The following KLHDC1 variants were observed in gnomAD, a reference collection of about 807,000 sequenced individuals.
KLHDC1 encodes kelch domain containing 1.
Under a neutral mutation model 68.3 loss-of-function variants are expected in KLHDC1, and 53 were observed. That is an observed-to-expected ratio of 0.78 (90% CI 0.62 to 0.98). KLHDC1 has a LOEUF of 0.98. KLHDC1 is among the 50% of genes least tolerant of loss of function. The pLI is 0.00. For synonymous variants in KLHDC1, 148 were observed against 159.0 expected, an observed-to-expected ratio of 0.93 and a Z score of 0.52; for missense variants, 470 against 492.3, an observed-to-expected ratio of 0.95 and a Z score of 0.43.
chr14:49,752,773 AATT>A lies in KLHDC1; in HGVS notation c.*1003_*1005del, dbSNP rs1463574680. On this transcript the variant is annotated 3_prime_UTR_variant, in exon 13 of 13. Coordinates refer to ENST00000359332, the MANE Select transcript of KLHDC1 (RefSeq NM_172193.3). The stretch of plus-strand genomic sequence containing the variant: ...TTCCTAAAAATGGTACTTTTGGCAT[AATT>A]AAGAAATTTTTCTTCATATTATCAC... 2.0e-5 allele frequency: 3 copies of A among 152,102 alleles called. No individual in the cohort carries two copies. Among genetic ancestry groups the A allele is most frequent in the Non-Finnish European group, 2.9e-5 (2 of 67,974 alleles). The allele number at this position is 152,102 out of a possible 1,614,324, so 9.4% of individuals were successfully genotyped here. A position where few individuals can be genotyped will look rare whatever the true frequency, so the allele number is the denominator to read the frequency against.
In KLHDC1 at chr14:49,732,758, T is replaced by G; in HGVS notation, c.765T>G (p.Pro255=). 1 of 1,610,582 alleles carries G rather than the reference T, an allele frequency of 6.2e-7. No individual in the cohort carries two copies. The highest frequency in any genetic ancestry group is 8.5e-7 in the Non-Finnish European group (1 of 1,176,960). The stretch of plus-strand genomic sequence containing the variant: ...ATCGGTCATGGCATACTTTAACACC[T>G]ATAGCTGATGATAAACTTTTCCTAT... ...PKHRSWHTLT[P]IADDKLFLCG... Residue 255 remains proline (P), a synonymous_variant, in exon 9 of 13, where the codon CCT becomes CCG. Coordinates refer to ENST00000359332, the MANE Select transcript of KLHDC1 (RefSeq NM_172193.3).
Position 49,702,031 on chromosome 14 carries a change from G to A in KLHDC1, c.97-7128G>A, listed in dbSNP as rs182155338. On this transcript the variant is annotated intron_variant, in intron 1 of 12. Coordinates refer to ENST00000359332, the MANE Select transcript of KLHDC1 (RefSeq NM_172193.3). Reference sequence around the variant, plus strand: ...TAAAAATACAAACGTAACTGGGCATGGTGGCACATGCCTGTAATCCCAGCT... The same window carrying A: ...TAAAAATACAAACGTAACTGGGCATAGTGGCACATGCCTGTAATCCCAGCT... Among the ~76,000 whole-genome samples the A allele has an allele frequency of 7.0e-4, 106 of 152,198 alleles. 2 individuals carry two copies. In the East Asian group the frequency reaches 0.018, roughly 26 times the overall value.
intron 2 of KLHDC1, 38 bp from the exon 3 acceptor site, chr14:49,709,671 C>T (rs377523536): frequency 7.1e-5 from 86 of 1,218,858 alleles, no homozygotes; most frequent in Middle Eastern, 3.9e-4. Flanking sequence ...ATTTGCCTTT[C>T]TGGAAAGTTA....
chr14:49,739,023 G>A (rs1488201061), intron 10 of KLHDC1, among the ~76,000 whole-genome samples: 1 of 152,218 alleles, frequency 6.6e-6, no homozygotes, highest in African/African-American at 2.4e-5. Context: ...AGCATGCAGA[G>A]CAGTTCTTCT....
At position 49,714,479 on chromosome 14, in the gene KLHDC1, G is replaced by A. The variant is rs182053846; in HGVS notation, c.404+4098G>A. Among the ~76,000 whole-genome samples the A allele has an allele frequency of 5.3e-4, 80 of 150,510 alleles. 1 individual carries two copies. In the East Asian group the frequency reaches 0.013, roughly 25 times the overall value. On this transcript the variant is annotated intron_variant, in intron 4 of 12. Transcript: ENST00000359332. The stretch of plus-strand genomic sequence containing the variant: ...CAGAGCGAGACTCTGTCTCAAAAAC[G>A]AAAAAAAATCTAGGCTGGTTGTGGT...
At chr14:49,746,997 G>A (rs1889214108) in intron 12 of KLHDC1, among the ~76,000 whole-genome samples, 1 of 149,788 alleles carries the variant, frequency 6.7e-6, no homozygotes, top group African/African-American at 2.5e-5. Flanking sequence ...ACCCAGGCTG[G>A]AGTGCAGTAC....
intron 10 of KLHDC1, among the ~76,000 whole-genome samples, chr14:49,739,775 G>A (rs1009536629): frequency 7.9e-5 from 12 of 152,280 alleles, no homozygotes; most frequent in Non-Finnish European, 8.8e-5. Flanking sequence ...CTCTGGCTGC[G>A]TGTGGTGGCT....
At chr14:49,693,748 C>CT (rs1231129663) in intron 1 of KLHDC1, among the ~76,000 whole-genome samples, 2,087 of 61,550 alleles carry the variant, frequency 0.034, 507 homozygotes, top group African/African-American at 0.044. Flanking sequence ...TTTTCTTTTT[C>CT]TTTTTTTTTT....
intron 6 of KLHDC1, among the ~76,000 whole-genome samples, chr14:49,728,695 T>C (rs931922921): frequency 1.3e-5 from 2 of 152,158 alleles, no homozygotes; most frequent in Admixed American, 6.5e-5. Context: ...GTCAGACATA[T>C]AAGAAAAACA....
At chr14:49,717,705 C>CT (rs1008436166) in intron 4 of KLHDC1, among the ~76,000 whole-genome samples, 73 of 147,838 alleles carry the variant, frequency 4.9e-4, no homozygotes, top group African/African-American at 1.6e-3. Context: ...TCCCTCCTCA[C>CT]TTTTTTTTTT....
At chr14:49,721,103 A>C (rs907334460) in intron 4 of KLHDC1, among the ~76,000 whole-genome samples, 1 of 151,826 alleles carries the variant, frequency 6.6e-6, no homozygotes, top group African/African-American at 2.4e-5. Flanking sequence ...TGTCTAGACC[A>C]CCTCTGAGTC....
intron 10 of KLHDC1, 109 bp downstream of exon 10, chr14:49,734,770 G>A: frequency 2.2e-6 from 1 of 450,114 alleles, no homozygotes. Context: ...CATTGAGAAG[G>A]ATATCTTTCA....
intron 7 of KLHDC1, 27 bp from the exon 8 acceptor site, chr14:49,729,459 TACTG>T (rs745683462): frequency 2.7e-6 from 4 of 1,488,120 alleles, no homozygotes; most frequent in African/African-American, 2.8e-5. Flanking sequence ...AGATGTGAAA[TACTG>T]ACCAATGTAA....
chr14:49,727,345 T>C (rs1460235059), intron 6 of KLHDC1, among the ~76,000 whole-genome samples: 1 of 152,122 alleles, frequency 6.6e-6, no homozygotes, highest in African/African-American at 2.4e-5. Context: ...AAGGGATGAT[T>C]GGCCAGTCTT....
chr14:49,738,913 C>T (rs1229752868), intron 10 of KLHDC1, among the ~76,000 whole-genome samples: 1 of 152,214 alleles, frequency 6.6e-6, no homozygotes, highest in Admixed American at 6.5e-5. Flanking sequence ...TATGTACAAT[C>T]AGCTTCTGCT....
At chr14:49,702,835 A>G (rs1480368564) in intron 1 of KLHDC1, among the ~76,000 whole-genome samples, 1 of 152,210 alleles carries the variant, frequency 6.6e-6, no homozygotes. Context: ...AAGATATAAA[A>G]AACCACGACC....
chr14:49,739,973 C>T (rs1008111389), intron 10 of KLHDC1, 125 bp from the exon 11 acceptor site: 1 of 551,004 alleles, frequency 1.8e-6, no homozygotes, highest in Non-Finnish European at 3.2e-6. Context: ...TCCAAAGGTT[C>T]AAGTTCAATC....
chr14:49,720,117 G>T (rs917349849), intron 4 of KLHDC1, among the ~76,000 whole-genome samples: 4 of 152,068 alleles, frequency 2.6e-5, no homozygotes, highest in African/African-American at 9.7e-5. Context: ...CTCCTGTGTA[G>T]CTGGGATTAC....
At position 49,709,770 on chromosome 14, in the gene KLHDC1, A is replaced by C; in HGVS notation, c.229A>C (p.Ile77Leu). 1 of 1,604,972 alleles carries C rather than the reference A, an allele frequency of 6.2e-7. No homozygotes were observed. Among genetic ancestry groups the C allele is most frequent in the Non-Finnish European group, 8.5e-7 (1 of 1,176,340 alleles). Residue 77 changes from isoleucine to leucine, a missense_variant, in exon 3 of 13, where the codon ATT (isoleucine) becomes CTT (leucine). Coordinates refer to ENST00000359332, the MANE Select transcript of KLHDC1 (RefSeq NM_172193.3). ...CATGTCAGGAAGCTGTGGTGCTTGC[A>C]TTAATGGAAAGCTGTACATTTTTGG... ...ASMSGSCGAC[I>L]NGKLYIFGGY...
Sources: gnomAD v4.1 joint callset for allele counts (sites outside exome capture counted in the v4.1 genomes callset) on GRCh38, gnomAD v4.1.1 for gene constraint, MANE v1.5 for transcripts, NCBI Gene and HGNC (gene_info 2026-07-23, HGNC 2026-07-21) for gene names.